CLPTM1L: variants seen among roughly 807,000 people sequenced by gnomAD.
CLPTM1L encodes lipid scramblase CLPTM1L.
CLPTM1L carries 38 observed loss-of-function variants against 70.9 expected under a neutral mutation model. That is an observed-to-expected ratio of 0.54 (90% CI 0.41 to 0.70). CLPTM1L has a LOEUF of 0.70. Ranked by LOEUF, CLPTM1L falls within the 30% of genes least tolerant of loss-of-function variation. The pLI is 0.00. For synonymous variants in CLPTM1L, 339 were observed against 299.9 expected (o/e 1.13, Z -1.35); for missense variants, 652 against 705.9 (o/e 0.92, Z 0.87).
intron 7 of CLPTM1L, among the ~76,000 whole-genome samples, chr5:1,333,696 G>GGATGAGGATAAGGGGGACTACTGTATA (rs1753338258): frequency 5.0e-5 from 3 of 59,702 alleles, no homozygotes; most frequent in Non-Finnish European, 6.5e-5. Flanking sequence ...TAGACACACC[G>GGATGAGGATAAGGGGGACTACTGTATA]CAAGAGGATA....
chr5:1,343,391 C>G (rs1212206223), intron 2 of CLPTM1L, among the ~76,000 whole-genome samples: 1 of 152,216 alleles, frequency 6.6e-6, no homozygotes, highest in Non-Finnish European at 1.5e-5. Context: ...AGTGCTCATT[C>G]TCCCCACTTC....
intron 6 of CLPTM1L, 66 bp downstream of exon 6, chr5:1,334,991 C>T (rs1398827373): frequency 2.9e-5 from 36 of 1,254,102 alleles, no homozygotes; most frequent in Non-Finnish European, 3.9e-5. Context: ...TGTCAGGATT[C>T]GCACTTGGAT....
rs1752171541 is a variant in CLPTM1L at position 1,321,817 on chromosome 5, C to A, written c.1318G>T (p.Val440Phe). 2.5e-6 allele frequency: 4 copies of A among 1,613,680 alleles called. No homozygotes were observed. In the East Asian group the frequency reaches 6.7e-5, roughly 27 times the overall value. ...ATGAAGAGGAAACCAAAGGCATAGA[C>A]CCCTGCAGAAAGACAGACAGCACTC... is the stretch of plus-strand genomic sequence containing the variant. Reference protein sequence around the residue: ...SWLINSFVNGVYAFGFLFMLP... With the variant: ...SWLINSFVNGFYAFGFLFMLP... The change falls in exon 14 of 17, where the codon GTC becomes TTC. Residue 440 changes from valine to phenylalanine, a missense_variant and splice_region_variant. Coordinates refer to ENST00000320895, the MANE Select transcript of CLPTM1L (RefSeq NM_030782.5).
intron 9 of CLPTM1L, chr5:1,326,068 G>C (rs538227926): frequency 1.9e-6 from 1 of 521,390 alleles, no homozygotes; most frequent in African/African-American, 1.9e-5. Flanking sequence ...AACAGCATGT[G>C]AGGGCAGTTC....
rs1752341983 is a variant in CLPTM1L, at chr5:1,323,877, G to C, written c.1198-8C>G. The C allele has an allele frequency of 6.2e-7, 1 of 1,609,550 alleles. No homozygotes were observed. The highest frequency in any genetic ancestry group is 2.2e-5 in the East Asian group (1 of 44,864). ...TGACAAGTACTTCATGGCCTGCAGG[G>C]AACAAAGATGGCTTCCAGTTAGAGG... is the stretch of plus-strand genomic sequence containing the variant. On this transcript the variant is annotated splice_polypyrimidine_tract_variant and splice_region_variant and intron_variant, in intron 11 of 16. Transcript: ENST00000320895.
At chr5:1,341,194 T>A (rs1753916083) in intron 3 of CLPTM1L, among the ~76,000 whole-genome samples, 1 of 152,252 alleles carries the variant, frequency 6.6e-6, no homozygotes, top group South Asian at 2.1e-4. Context: ...TACACCTTTC[T>A]ACAGATGTAC....
intron 8 of CLPTM1L, 82 bp from the exon 9 acceptor site, chr5:1,330,465 C>A: frequency 2.7e-6 from 3 of 1,112,206 alleles, no homozygotes; most frequent in Non-Finnish European, 4.1e-6. Flanking sequence ...TACCCCCAGT[C>A]CCCCATCCCA....
chr5:1,333,697 C>CAAGCGGGAACTACTGTATACACACCGG (rs1753339771), intron 7 of CLPTM1L, among the ~76,000 whole-genome samples: 2 of 40,272 alleles, frequency 5.0e-5, no homozygotes, highest in African/African-American at 1.3e-4. Context: ...AGACACACCG[C>CAAGCGGGAACTACTGTATACACACCGG]AAGAGGATAA....
intron 13 of CLPTM1L, among the ~76,000 whole-genome samples, 200 bp from the exon 14 acceptor site, chr5:1,322,019 T>A (rs1309908291): frequency 6.6e-6 from 1 of 152,202 alleles, no homozygotes; most frequent in African/African-American, 2.4e-5. Flanking sequence ...ATCAAGAGTC[T>A]ACGACAACTT....
At chr5:1,331,754 C>A in intron 8 of CLPTM1L, 45 bp downstream of exon 8, 1 of 1,561,834 alleles carries the variant, frequency 6.4e-7, no homozygotes, top group Middle Eastern at 1.7e-4. Context: ...CCAGTGAGCT[C>A]CCTGGGGCAG....
In CLPTM1L at chr5:1,325,783, T is replaced by C. The variant is rs1561232656; in HGVS notation, c.1114A>G (p.Ile372Val). 9 of 1,614,004 alleles carry C rather than the reference T, an allele frequency of 5.6e-6. No individual in the cohort carries two copies. Among genetic ancestry groups the C allele is most frequent in the South Asian group, 1.1e-5 (1 of 91,084 alleles). Reference protein sequence around the residue: ...WKVKKALKMTIFWRGLMPEFQ... With the variant: ...WKVKKALKMTVFWRGLMPEFQ... ...TCGGGCATCAGGCCTCTCCAAAAAA[T>C]AGTCATCTTCAATGCCTTCTTCACT... The change falls in exon 10 of 17, where the codon ATT becomes GTT. Residue 372 changes from isoleucine (I) to valine (V), a missense_variant. Physicochemically the swap from Ile to Val is conservative, Grantham distance 29. Around this residue, in one of 3 missense-constraint regions of CLPTM1L, gnomAD observed 240 missense variants for 295.0 expected, o/e 0.81. Transcript: ENST00000320895.
chr5:1,334,386 G>A lies in CLPTM1L; in HGVS notation c.797-3C>T. The A allele has an allele frequency of 2.6e-6, 4 of 1,539,448 alleles. No homozygotes were observed. The highest frequency in any genetic ancestry group is 4.8e-5 in the East Asian group (2 of 41,266). On this transcript the variant is annotated splice_polypyrimidine_tract_variant and splice_region_variant and intron_variant, in intron 6 of 16. Transcript: ENST00000320895. ...ATCAGCATCTTTCTCTGAAAACCCTGTCAAGGAAAAAAAAACATACAATAT... is the reference window on the plus strand; with the variant it reads ...ATCAGCATCTTTCTCTGAAAACCCTATCAAGGAAAAAAAAACATACAATAT...
rs1159743666 is a variant in CLPTM1L, at chr5:1,344,381, T to C, written c.233A>G (p.Glu78Gly). 5.0e-6 allele frequency: 8 copies of C among 1,613,778 alleles called. No individual in the cohort carries two copies. The highest frequency in any genetic ancestry group is 5.9e-6 in the Non-Finnish European group (7 of 1,179,964). The change falls in exon 2 of 17, where the codon GAA (glutamate) becomes GGA (glycine). Residue 78 changes from glutamate (E) to glycine (G), a missense_variant. Around this residue, in one of 3 missense-constraint regions of CLPTM1L, gnomAD observed 402 missense variants for 388.2 expected, o/e 1.04. Coordinates refer to ENST00000320895, the MANE Select transcript of CLPTM1L (RefSeq NM_030782.5). ...ENNIDLVLNVEDFDVESKFER... is the reference protein window; with the variant it reads ...ENNIDLVLNVGDFDVESKFER... ...AAATTTGGACTCCACATCAAAGTCT[T>C]CCACATTCAAGACCAGGTCGATGTT... is the stretch of plus-strand genomic sequence containing the variant.
At position 1,324,709 on chromosome 5, in the gene CLPTM1L, T is replaced by C. The variant is rs575892537; in HGVS notation, c.1197+54A>G. The C allele has an allele frequency of 1.5e-5, 23 of 1,498,098 alleles. No homozygotes were observed. In the South Asian group the frequency reaches 2.3e-4, roughly 15 times the overall value. The allele number at this position is 1,498,098 out of a possible 1,614,324, so 92.8% of individuals were successfully genotyped here. A position where few individuals can be genotyped will look rare whatever the true frequency, so the allele number is the denominator to read the frequency against. On this transcript the variant is annotated intron_variant, in intron 11 of 16. Coordinates refer to ENST00000320895, the MANE Select transcript of CLPTM1L (RefSeq NM_030782.5). ...GCAATGACAGTAAAAGACCCGTCTT[T>C]GAGGGTGTTGGATTTGCCTGGCATG...
chr5:1,330,410 G>A (rs1753010597), intron 8 of CLPTM1L, 27 bp from the exon 9 acceptor site: 2 of 1,589,974 alleles, frequency 1.3e-6, no homozygotes, highest in African/African-American at 1.3e-5. Flanking sequence ...CGGGCTGGGA[G>A]GGGGTGCAGG....
At position 1,318,531 on chromosome 5, in the gene CLPTM1L, G is replaced by C; in HGVS notation, c.1533-78C>G. ...TCTAAGAGGAGGACTTGGCATCCTC[G>C]ATTTATTTTCCAGTGAGCTGCCACA... On this transcript the variant is annotated intron_variant, in intron 16 of 16. Coordinates refer to ENST00000320895, the MANE Select transcript of CLPTM1L (RefSeq NM_030782.5). This position sits in a 1 kb window ranked among gnomAD's most constrained non-coding sequence, Gnocchi z 8.9. The C allele has an allele frequency of 8.3e-7, 1 of 1,207,540 alleles. No homozygotes were observed. The highest frequency in any genetic ancestry group is 1.5e-5 in the African/African-American group (1 of 66,776). 74.8% of individuals were successfully genotyped at this position (1,207,540 alleles called of 1,614,324 possible).
chr5:1,343,667 C>G (rs1323449544), intron 2 of CLPTM1L, among the ~76,000 whole-genome samples: 4 of 152,194 alleles, frequency 2.6e-5, no homozygotes, highest in Admixed American at 2.6e-4. Context: ...CAGGCAGAAA[C>G]CGGCTTGCCA....
chr5:1,320,136 T>C (rs1172258722), intron 16 of CLPTM1L: 1 of 152,878 alleles, frequency 6.5e-6, no homozygotes, highest in African/African-American at 2.4e-5. Flanking sequence ...GTCCACGCAA[T>C]GCAGTCTTCA....
At position 1,323,769 on chromosome 5, in the gene CLPTM1L, G is replaced by A. The variant is rs200310656; in HGVS notation, c.1280+18C>T. The A allele has an allele frequency of 6.3e-7, 1 of 1,597,726 alleles. No homozygotes were observed. Among genetic ancestry groups the A allele is most frequent in the African/African-American group, 1.3e-5 (1 of 74,660 alleles). ...TCAGGGGAAAGACGCAGCAGGGGAA[G>A]CGTGTGCGGCCTCCTACCTCTTATA... On this transcript the variant is annotated intron_variant, in intron 12 of 16. Coordinates refer to ENST00000320895, the MANE Select transcript of CLPTM1L (RefSeq NM_030782.5).
Sources: allele counts gnomAD v4.1 joint callset (sites outside exome capture counted in the v4.1 genomes callset), GRCh38; gene constraint gnomAD v4.1.1; regional missense constraint gnomAD v4.1.1; non-coding constraint Gnocchi (gnomAD v3.1); transcripts MANE v1.5; gene names NCBI Gene and HGNC (gene_info 2026-07-23, HGNC 2026-07-21).